EML4: variants seen among roughly 807,000 people sequenced by gnomAD.
EML4 encodes the protein EMAP like 4.
In EML4, 72 loss-of-function variants were observed where a neutral mutation model predicts 129.0. That is an observed-to-expected ratio of 0.56 (90% CI 0.46 to 0.68). The LOEUF is 0.68. EML4 is among the 30% of genes least tolerant of loss of function. EML4 has a pLI of 0.00. For missense variants in EML4, 1,363 were observed against 1,190.6 expected, an observed-to-expected ratio of 1.14 and a Z score of -2.13; for synonymous variants, 532 against 405.0, an observed-to-expected ratio of 1.31 and a Z score of -3.77.
At chr2:42,270,739 C>G (rs1018390526) in intron 6 of EML4, among the ~76,000 whole-genome samples, 1 of 152,092 alleles carries the variant, frequency 6.6e-6, no homozygotes, top group Non-Finnish European at 1.5e-5. Context: ...AGCCTTTAAT[C>G]GAACTACAGA....
chr2:42,245,094 C>CTTTCTTTTTT (rs1336279430), intron 1 of EML4, among the ~76,000 whole-genome samples: 4 of 66,544 alleles, frequency 6.0e-5, no homozygotes, highest in African/African-American at 1.9e-4. Flanking sequence ...AATTTTCTTT[C>CTTTCTTTTTT]TTTTTTTTTT....
intron 6 of EML4, among the ~76,000 whole-genome samples, chr2:42,279,784 A>T (rs7575068): frequency 0.27 from 40,475 of 147,292 alleles, 5,965 homozygotes; most frequent in East Asian, 0.56. Context: ...GTCTTTTTTT[A>T]TTATTATTAT....
chr2:42,329,507 G>T (rs958482779), intron 22 of EML4, among the ~76,000 whole-genome samples: 1 of 152,098 alleles, frequency 6.6e-6, no homozygotes, highest in African/African-American at 2.4e-5. Context: ...CATATAGTGT[G>T]AAAATACAGA....
chr2:42,323,799 C>G (rs537496362), intron 19 of EML4, among the ~76,000 whole-genome samples: 1 of 147,148 alleles, frequency 6.8e-6, no homozygotes, highest in Non-Finnish European at 1.5e-5. Flanking sequence ...CAAAAATTAG[C>G]GGGGCGTGGT....
At chr2:42,297,126 C>T (rs1346415293) in intron 13 of EML4, among the ~76,000 whole-genome samples, 1 of 152,172 alleles carries the variant, frequency 6.6e-6, no homozygotes, top group Non-Finnish European at 1.5e-5. Flanking sequence ...AAAATTTACA[C>T]ACGAGAAGAA....
chr2:42,211,889 G>C (rs992106832), intron 1 of EML4, among the ~76,000 whole-genome samples: 17 of 151,960 alleles, frequency 1.1e-4, no homozygotes, highest in Admixed American at 9.2e-4. Context: ...CTGTCGCCCA[G>C]GTTGGAGTGC....
chr2:42,194,781 G>A, intron 1 of EML4, among the ~76,000 whole-genome samples: 1 of 152,070 alleles, frequency 6.6e-6, no homozygotes, highest in East Asian at 1.9e-4. Context: ...AAAGTGCTGG[G>A]ATTACAGGAG....
At chr2:42,244,187 C>T (rs1449721125) in intron 1 of EML4, among the ~76,000 whole-genome samples, 4 of 147,840 alleles carry the variant, frequency 2.7e-5, no homozygotes, top group African/African-American at 1.0e-4. Context: ...CAACCTTTGC[C>T]TCCTGGGTTC....
intron 1 of EML4, among the ~76,000 whole-genome samples, chr2:42,212,720 T>G (rs1168521812): frequency 6.6e-6 from 1 of 152,238 alleles, no homozygotes; most frequent in Non-Finnish European, 1.5e-5. Flanking sequence ...TTCATGCATT[T>G]CTATATCTTT....
chr2:42,204,060 C>T (rs1672396243), intron 1 of EML4, among the ~76,000 whole-genome samples: 1 of 152,092 alleles, frequency 6.6e-6, no homozygotes, highest in Non-Finnish European at 1.5e-5. Context: ...GCTAGGACTA[C>T]AGCCATATGC....
chr2:42,200,153 CAAAA>C (rs11421705), intron 1 of EML4, among the ~76,000 whole-genome samples: 9 of 84,466 alleles, frequency 1.1e-4, no homozygotes, highest in African/African-American at 2.9e-4. Flanking sequence ...ACTAAAAATA[CAAAA>C]AAAAAAAAAA....
intron 11 of EML4, among the ~76,000 whole-genome samples, chr2:42,292,996 C>T (rs76975178): frequency 6.6e-6 from 1 of 152,112 alleles, no homozygotes; most frequent in Non-Finnish European, 1.5e-5. Context: ...AAAGACTGTT[C>T]AGTCAATCTT....
At chr2:42,271,709 C>G (rs1186531344) in intron 6 of EML4, among the ~76,000 whole-genome samples, 1 of 150,114 alleles carries the variant, frequency 6.7e-6, no homozygotes, top group Non-Finnish European at 1.5e-5. Flanking sequence ...TATACACATA[C>G]TTTTTAAAAA....
rs1009166900 is a variant in EML4 at position 42,295,201 on chromosome 2, A to G, written c.1295A>G (p.His432Arg). The part of the protein sequence containing the change: ...ANTIITCGKS[H>R]IFFWTWSGNS... ...ACCATAATTACATGCGGTAAATCTC[A>G]TATTTTCTTCTGGACCTGGAGCGGC... The change falls in exon 12 of 23, where the codon CAT (histidine) becomes CGT (arginine). Residue 432 changes from histidine (H) to arginine (R), a missense_variant. Coordinates refer to ENST00000318522, the MANE Select transcript of EML4 (RefSeq NM_019063.5). 3.1e-6 allele frequency: 5 copies of G among 1,613,032 alleles called. No homozygotes were observed. Among genetic ancestry groups the G allele is most frequent in the Non-Finnish European group, 4.2e-6 (5 of 1,179,620 alleles).
At chr2:42,303,551 G>GT in intron 16 of EML4, 105 bp downstream of exon 16, 1 of 1,238,328 alleles carries the variant, frequency 8.1e-7, no homozygotes, top group Non-Finnish European at 1.2e-6. Flanking sequence ...CAAACCAAAT[G>GT]TAAACATATG....
intron 8 of EML4, among the ~76,000 whole-genome samples, chr2:42,283,290 T>G (rs969611331): frequency 2.6e-5 from 4 of 152,166 alleles, no homozygotes; most frequent in Admixed American, 1.3e-4. Context: ...ATTTTCAGGT[T>G]TCTGAAAGTG....
In EML4 at chr2:42,233,714, CA is replaced by C. The variant is rs1282936581; in HGVS notation, c.26-11787del. Among the ~76,000 whole-genome samples, 6 of 152,150 alleles carry C rather than the reference CA, an allele frequency of 3.9e-5. No homozygotes were observed. The East Asian group carries it at 9.6e-4, about 24-fold the overall frequency. On this transcript the variant is annotated intron_variant, in intron 1 of 22. Transcript: ENST00000318522. ...TTGTTAATTATATTCATTAACTTAG[CA>C]AAATGTTTATAATGAATCTTAATAT...
intron 1 of EML4, among the ~76,000 whole-genome samples, chr2:42,172,927 G>C (rs113318219): frequency 0.012 from 1,804 of 152,234 alleles, 23 homozygotes; most frequent in Non-Finnish European, 0.017. Context: ...CTAGAGATTA[G>C]TCTGTTTTCA....
At chr2:42,202,410 G>C (rs142816299) in intron 1 of EML4, among the ~76,000 whole-genome samples, 41 of 152,250 alleles carry the variant, frequency 2.7e-4, no homozygotes, top group Non-Finnish European at 5.1e-4. Flanking sequence ...TTCGAGACTA[G>C]CCTGGTGTAT....
Sources: gnomAD v4.1 joint callset for allele counts (sites outside exome capture counted in the v4.1 genomes callset) on GRCh38, gnomAD v4.1.1 for gene constraint, MANE v1.5 for transcripts, NCBI Gene and HGNC (gene_info 2026-07-23, HGNC 2026-07-21) for gene names.